Variants in LRRC37A2 observed in about 807,000 individuals in gnomAD.
LRRC37A2 encodes leucine-rich repeat-containing protein 37A2.
LRRC37A2 carries 9 observed loss-of-function variants against 68.8 expected under a neutral mutation model. The ratio of observed to expected loss-of-function variants is 0.13; its 90% CI spans 0.08 to 0.23. The LOEUF is 0.23. Among genes scored for constraint, LRRC37A2 ranks in the 10% least tolerant of loss-of-function variants. The probability of loss-of-function intolerance (pLI) is 1.00; values close to 1 mark genes in which losing one functional copy is unlikely to be tolerated. For synonymous variants in LRRC37A2, 63 were observed against 367.6 expected, an observed-to-expected ratio of 0.17 and a Z score of 9.48; for missense variants, 168 against 950.4, an observed-to-expected ratio of 0.18 and a Z score of 10.82.
the LRRC37A2 span, among the ~76,000 whole-genome samples, chr17:46,608,874 A>G: frequency 1.3e-5 from 2 of 152,012 alleles, no homozygotes; most frequent in Non-Finnish European, 2.9e-5. Context: ...GATTACAGGC[A>G]TGAGCCCGCG....
the LRRC37A2 span, among the ~76,000 whole-genome samples, chr17:46,735,607 G>A: frequency 1.3e-5 from 2 of 152,034 alleles, no homozygotes; most frequent in Non-Finnish European, 2.9e-5. Context: ...TCTGTTGAGG[G>A]TCAGCTAAGA....
At chr17:46,978,127 A>AAC in the LRRC37A2 span, 6 of 161,064 alleles carry the variant, frequency 3.7e-5, no homozygotes, top group Admixed American at 6.5e-5. Flanking sequence ...TCCGCCCCGC[A>AAC]ACACACACAC....
chr17:46,965,707 C>T, the LRRC37A2 span, among the ~76,000 whole-genome samples: 87 of 152,276 alleles, frequency 5.7e-4, no homozygotes, highest in Middle Eastern at 3.4e-3. Flanking sequence ...GCTGCAGCCT[C>T]GACCTCCTGG....
At chr17:46,854,151 G>A in the LRRC37A2 span, among the ~76,000 whole-genome samples, 4 of 152,296 alleles carry the variant, frequency 2.6e-5, no homozygotes, top group South Asian at 2.1e-4. Flanking sequence ...GCCTCATGAT[G>A]TTAAGTGTTT....
At chr17:46,930,382 C>T in the LRRC37A2 span, 1,095 of 152,368 alleles carry the variant, frequency 7.2e-3, 3 homozygotes, top group Middle Eastern at 0.017. Flanking sequence ...CTTTGTTTGC[C>T]TTCTCAGCAA....
the LRRC37A2 span, chr17:46,728,772 GC>G: frequency 1.2e-6 from 1 of 837,244 alleles, no homozygotes; most frequent in Non-Finnish European, 1.8e-6. Context: ...TACTTTTGAT[GC>G]AAAAAAAAAA....
chr17:46,815,415 G>A, the LRRC37A2 span, among the ~76,000 whole-genome samples: 3 of 152,148 alleles, frequency 2.0e-5, no homozygotes, highest in Non-Finnish European at 4.4e-5. Context: ...TTGAGGGTCC[G>A]CGTGGACAGA....
the LRRC37A2 span, among the ~76,000 whole-genome samples, chr17:46,991,072 G>T: frequency 6.6e-6 from 1 of 152,152 alleles, no homozygotes; most frequent in Non-Finnish European, 1.5e-5. Flanking sequence ...TGGTGGAACC[G>T]TGGGGTTCTA....
chr17:46,492,361 C>G, the LRRC37A2 span, among the ~76,000 whole-genome samples: 3 of 151,058 alleles, frequency 2.0e-5, no homozygotes, highest in South Asian at 4.1e-4. Flanking sequence ...TCAGTAGTTT[C>G]TTTATTGCTG....
At chr17:46,762,488 C>A in the LRRC37A2 span, 1 of 151,834 alleles carries the variant, frequency 6.6e-6, no homozygotes, top group Non-Finnish European at 1.5e-5. Context: ...AAACTCCACA[C>A]AGTGTACAAT....
chr17:46,771,643 G>T, the LRRC37A2 span, among the ~76,000 whole-genome samples: 1 of 144,224 alleles, frequency 6.9e-6, no homozygotes, highest in Non-Finnish European at 1.5e-5. Flanking sequence ...GCGGCCGCCG[G>T]GCCCGGGCCG....
At chr17:46,978,940 G>GCCCCGGCGC in the LRRC37A2 span, 1 of 1,455,094 alleles carries the variant, frequency 6.9e-7, no homozygotes, top group Non-Finnish European at 9.0e-7. Context: ...TCCCAGGGCG[G>GCCCCGGCGC]CCCCGGCGCC....
At chr17:46,837,899 G>A in the LRRC37A2 span, among the ~76,000 whole-genome samples, 103,540 of 152,132 alleles carry the variant, frequency 0.68, 37,858 homozygotes, top group East Asian at 0.99. Context: ...TGACAGTTGG[G>A]AAAAAAGTGC....
At chr17:46,958,012 G>T in the LRRC37A2 span, among the ~76,000 whole-genome samples, 1 of 152,196 alleles carries the variant, frequency 6.6e-6, no homozygotes, top group Non-Finnish European at 1.5e-5. Context: ...CCACCAAGGG[G>T]CTTATGGCTG....
the LRRC37A2 span, among the ~76,000 whole-genome samples, chr17:46,601,878 TA>T: frequency 0.024 from 3,344 of 140,182 alleles, 164 homozygotes; most frequent in African/African-American, 0.07. Context: ...CCCACTCCTT[TA>T]AAAAAAAAAA....
chr17:47,043,352 G>A, the LRRC37A2 span, among the ~76,000 whole-genome samples: 1 of 151,460 alleles, frequency 6.6e-6, no homozygotes, highest in South Asian at 2.1e-4. Flanking sequence ...GCACGGGGAT[G>A]ACAGGGCATG....
chr17:46,940,725 G>A, the LRRC37A2 span: 1 of 1,595,628 alleles, frequency 6.3e-7, no homozygotes, highest in African/African-American at 1.3e-5. Context: ...GACAGTGGTT[G>A]GCTTTGATGA....
At chr17:46,961,219 A>G in the LRRC37A2 span, among the ~76,000 whole-genome samples, 1 of 152,184 alleles carries the variant, frequency 6.6e-6, no homozygotes, top group African/African-American at 2.4e-5. Flanking sequence ...AACAGAAATA[A>G]TATGTATAAT....
At chr17:46,747,601 T>G in the LRRC37A2 span, among the ~76,000 whole-genome samples, 1 of 152,180 alleles carries the variant, frequency 6.6e-6, no homozygotes, top group Non-Finnish European at 1.5e-5. Flanking sequence ...GATATTGTAT[T>G]TTAATTGCAC....
Sources: gnomAD v4.1 joint callset for allele counts (sites outside exome capture counted in the v4.1 genomes callset) on GRCh38, gnomAD v4.1.1 for gene constraint, MANE v1.5 for transcripts, NCBI Gene and HGNC (gene_info 2026-07-23, HGNC 2026-07-21) for gene names.